ZGPAT: variants seen among roughly 807,000 people sequenced by gnomAD.
ZGPAT encodes the protein zinc finger CCCH-type and G-patch domain containing, also known as zinc finger CCCH-type with G patch domain-containing protein.
ZGPAT carries 39 observed loss-of-function variants against 47.9 expected under a neutral mutation model. That is an observed-to-expected ratio of 0.81 (90% CI 0.63 to 1.06). ZGPAT has a LOEUF of 1.06. ZGPAT is among the 50% of genes least tolerant of loss of function. ZGPAT has a pLI of 0.00. For missense variants in ZGPAT, 717 were observed against 681.4 expected, an observed-to-expected ratio of 1.05 and a Z score of -0.58; for synonymous variants, 348 against 292.9, an observed-to-expected ratio of 1.19 and a Z score of -1.92.
intron 2 of ZGPAT, among the ~76,000 whole-genome samples, chr20:63,732,014 T>C (rs534840482): frequency 3.7e-4 from 56 of 152,334 alleles, no homozygotes; most frequent in African/African-American, 1.3e-3. Flanking sequence ...GGGTTTCCCA[T>C]GGATACCAAG....
At chr20:63,710,298 G>T (rs1002197664) in intron 2 of ZGPAT, among the ~76,000 whole-genome samples, 1 of 151,790 alleles carries the variant, frequency 6.6e-6, no homozygotes, top group Non-Finnish European at 1.5e-5. Flanking sequence ...CATTACAGGC[G>T]CCCGCCACCA....
chr20:63,731,839 G>A (rs2091907759), intron 2 of ZGPAT, among the ~76,000 whole-genome samples: 1 of 152,218 alleles, frequency 6.6e-6, no homozygotes, highest in Non-Finnish European at 1.5e-5. Flanking sequence ...GGCTGCGTCT[G>A]TACACTGTAT....
chr20:63,725,598 G>A (rs1347931473), intron 2 of ZGPAT, among the ~76,000 whole-genome samples: 1 of 147,256 alleles, frequency 6.8e-6, no homozygotes, highest in Non-Finnish European at 1.5e-5. Context: ...GGTGTGCATC[G>A]TATTTGGGCT....
At chr20:63,721,273 A>G (rs917963932) in intron 2 of ZGPAT, among the ~76,000 whole-genome samples, 4 of 151,876 alleles carry the variant, frequency 2.6e-5, no homozygotes, top group South Asian at 2.1e-4. Flanking sequence ...AATCGCTTCA[A>G]CCCAGGGGGC....
intron 2 of ZGPAT, among the ~76,000 whole-genome samples, chr20:63,716,976 C>A (rs1397413431): frequency 6.6e-6 from 1 of 151,918 alleles, no homozygotes; most frequent in Non-Finnish European, 1.5e-5. Flanking sequence ...GCCACCATGC[C>A]CAGCCAGTTT....
intron 2 of ZGPAT, among the ~76,000 whole-genome samples, chr20:63,731,718 ATT>A (rs2091906535): frequency 1.3e-5 from 1 of 76,078 alleles, no homozygotes; most frequent in South Asian, 4.4e-4. Flanking sequence ...TGTGTGTGAG[ATT>A]GTGTGTGCAT....
rs549609166 is a variant in ZGPAT, at chr20:63,713,360, C to T, written c.584+4196C>T. ...ATTCTTCTGCCTCAGCCTCCTGAGT[C>T]GCTGGGAATACAGGTGCCTGCCACC... is the stretch of plus-strand genomic sequence containing the variant. On this transcript the variant is annotated intron_variant, in intron 2 of 6. Coordinates refer to ENST00000355969, the MANE Select transcript of ZGPAT (RefSeq NM_181485.3). Among the ~76,000 whole-genome samples the T allele has an allele frequency of 3.8e-4, 57 of 151,100 alleles. 1 individual carries two copies. Among genetic ancestry groups the T allele is most frequent in the South Asian group, 6.3e-4 (3 of 4,742 alleles).
intron 2 of ZGPAT, among the ~76,000 whole-genome samples, chr20:63,724,351 C>T (rs532104923): frequency 3.2e-5 from 4 of 125,422 alleles, no homozygotes; most frequent in South Asian, 2.6e-4. Context: ...GATGACAGAG[C>T]GAGACTCTGC....
At chr20:63,715,567 G>A (rs978447274) in intron 2 of ZGPAT, among the ~76,000 whole-genome samples, 4 of 152,056 alleles carry the variant, frequency 2.6e-5, no homozygotes, top group Admixed American at 2.6e-4. Flanking sequence ...AAAGTTTAAG[G>A]CCTTATCATG....
chr20:63,733,485 A>G (rs1004540854), intron 3 of ZGPAT, 102 bp from the exon 4 acceptor site: 4 of 1,605,520 alleles, frequency 2.5e-6, no homozygotes, highest in African/African-American at 2.7e-5. Flanking sequence ...GAGCACACCT[A>G]CCCTCAGCCT....
chr20:63,725,023 T>C (rs1378956563), intron 2 of ZGPAT, among the ~76,000 whole-genome samples: 1 of 151,216 alleles, frequency 6.6e-6, no homozygotes, highest in Non-Finnish European at 1.5e-5. Flanking sequence ...TCGCTCTTGT[T>C]TCCCAGGCTG....
intron 1 of ZGPAT, 111 bp downstream of exon 1, chr20:63,708,229 A>C: frequency 6.4e-6 from 1 of 156,098 alleles, no homozygotes; most frequent in Non-Finnish European, 1.4e-5. Flanking sequence ...GCCAGACAGA[A>C]GAGACGCCGG....
chr20:63,719,174 C>G (rs112918309), intron 2 of ZGPAT, among the ~76,000 whole-genome samples: 1 of 151,996 alleles, frequency 6.6e-6, no homozygotes, highest in Non-Finnish European at 1.5e-5. Context: ...AGTCACTTGT[C>G]TCTTGCTGTT....
intron 2 of ZGPAT, among the ~76,000 whole-genome samples, chr20:63,714,771 T>G (rs905535188): frequency 2.0e-5 from 3 of 151,758 alleles, no homozygotes; most frequent in African/African-American, 7.3e-5. Flanking sequence ...TCCTCCTGAG[T>G]AGGTGAGACT....
intron 2 of ZGPAT, among the ~76,000 whole-genome samples, chr20:63,711,066 G>T (rs996731782): frequency 7.1e-6 from 1 of 140,402 alleles, no homozygotes; most frequent in Non-Finnish European, 1.5e-5. Flanking sequence ...TTGCTGCTCT[G>T]TCACCCAGGC....
At chr20:63,732,288 C>T (rs979729405) in intron 2 of ZGPAT, among the ~76,000 whole-genome samples, 12 of 142,914 alleles carry the variant, frequency 8.4e-5, no homozygotes, top group Admixed American at 2.8e-4. Flanking sequence ...TGGGTGAGGG[C>T]GTGTGTGTGT....
chr20:63,735,427 G>A lies in ZGPAT; in HGVS notation c.1260G>A (p.Arg420=), dbSNP rs370133689. 2.5e-6 allele frequency: 4 copies of A among 1,574,194 alleles called. No homozygotes were observed. The Admixed American group carries it at 7.6e-5, about 30-fold the overall frequency. Residue 420 remains arginine, a synonymous_variant, in exon 6 of 7, where the codon AGG becomes AGA. Coordinates refer to ENST00000355969, the MANE Select transcript of ZGPAT (RefSeq NM_181485.3). The stretch of plus-strand genomic sequence containing the variant: ...CCGGGGCGGCCCCAGCGGGGAGGAG[G>A]AGCAAGGACATGTACCATGCCAGCA... The part of the protein sequence containing the change: ...LEAGAAPAGR[R]SKDMYHASKS...
intron 2 of ZGPAT, among the ~76,000 whole-genome samples, chr20:63,709,803 CT>C (rs1020762907): frequency 2.1e-4 from 32 of 152,070 alleles, no homozygotes; most frequent in Admixed American, 2.0e-3. Flanking sequence ...CTCAGCCCCC[CT>C]AGGAGCTGGG....
At chr20:63,727,861 G>A (rs1201792805) in intron 2 of ZGPAT, among the ~76,000 whole-genome samples, 1 of 151,748 alleles carries the variant, frequency 6.6e-6, no homozygotes, top group East Asian at 1.9e-4. Flanking sequence ...CTGTTTACCT[G>A]TCTTATAATT....
Sources: gnomAD v4.1 joint callset for allele counts (sites outside exome capture counted in the v4.1 genomes callset) on GRCh38, gnomAD v4.1.1 for gene constraint, MANE v1.5 for transcripts, NCBI Gene and HGNC (gene_info 2026-07-23, HGNC 2026-07-21) for gene names.